CTNNA3: variants seen among roughly 807,000 people sequenced by gnomAD.
CTNNA3 encodes the protein catenin alpha-3.
A neutral mutation model predicts 95.7 loss-of-function variants in CTNNA3; 76 were observed. The observed-to-expected ratio is 0.79, with a 90% confidence interval of 0.66 to 0.96. CTNNA3 has a LOEUF of 0.96. CTNNA3 is among the 40% of genes least tolerant of loss of function. The probability of loss-of-function intolerance (pLI) is 0.00; values close to 1 mark genes in which losing one functional copy is unlikely to be tolerated. For synonymous variants in CTNNA3, 431 were observed against 374.4 expected (o/e 1.15, Z -1.74); for missense variants, 1,191 against 1,089.8 (o/e 1.09, Z -1.31).
At chr10:66,293,940 C>T (rs976087499) in intron 12 of CTNNA3, among the ~76,000 whole-genome samples, 4 of 152,074 alleles carry the variant, frequency 2.6e-5, no homozygotes, top group Non-Finnish European at 4.4e-5. Flanking sequence ...GTTGAAATTA[C>T]AGGCGTTAGC....
In CTNNA3 at chr10:66,379,167, A is replaced by G; in HGVS notation, c.1717T>C (p.Phe573Leu). Residue 573 changes from phenylalanine (F) to leucine (L), a missense_variant, in exon 12 of 18, where the codon TTC becomes CTC. Phe to Leu is a conservative substitution (Grantham distance 22). Coordinates refer to ENST00000433211, the MANE Select transcript of CTNNA3 (RefSeq NM_013266.4). ...YTEGVMRNVNFLTSTVIPEFV... is the reference protein window; with the variant it reads ...YTEGVMRNVNLLTSTVIPEFV... ...ACTGACTTACCAGTACTTGTAAGGA[A>G]GTTAACATTTCTCATTACACCTTCC... The G allele has an allele frequency of 6.2e-7, 1 of 1,612,682 alleles. No individual in the cohort carries two copies. Among genetic ancestry groups the G allele is most frequent in the Non-Finnish European group, 8.5e-7 (1 of 1,178,650 alleles).
At chr10:67,745,428 A>G (rs1175903733) in intron 1 of CTNNA3, among the ~76,000 whole-genome samples, 1 of 145,070 alleles carries the variant, frequency 6.9e-6, no homozygotes, top group South Asian at 2.2e-4. Context: ...CAAACACCAC[A>G]TGTTCTCACT....
At chr10:67,300,554 C>T (rs968150216) in intron 5 of CTNNA3, among the ~76,000 whole-genome samples, 7 of 152,202 alleles carry the variant, frequency 4.6e-5, no homozygotes, top group Non-Finnish European at 1.0e-4. Context: ...TGAATTCCTT[C>T]CTCTAGAGTA....
rs1458100029 is a variant in CTNNA3 at position 66,069,341 on chromosome 10, C to T, written c.2126G>A (p.Cys709Tyr). The change falls in exon 15 of 18, where the codon TGT becomes TAT. Residue 709 changes from cysteine to tyrosine, a missense_variant. By Grantham distance (194) the Cys-to-Tyr change is radical. Coordinates refer to ENST00000433211, the MANE Select transcript of CTNNA3 (RefSeq NM_013266.4). ...GTCTGTCATCTCCATCATGATCATA[C>T]ACATGTTCTTGGCCAGAACAATGAT... ...NDIIVLAKNM[C>Y]MIMMEMTDFT... The T allele has an allele frequency of 7.4e-6, 12 of 1,613,438 alleles. No homozygotes were observed. Among genetic ancestry groups the T allele is most frequent in the Non-Finnish European group, 9.3e-6 (11 of 1,179,672 alleles).
At chr10:67,236,516 T>TGGGGGGGGGGGGGGGGGGGGGGGG (rs1283943786) in intron 5 of CTNNA3, among the ~76,000 whole-genome samples, 1 of 22,528 alleles carries the variant, frequency 4.4e-5, no homozygotes. Context: ...TGTTGTGGGG[T>TGGGGGGGGGGGGGGGGGGGGGGGG]GGGGGGGGTG....
chr10:66,646,202 G>C (rs1845701646), intron 9 of CTNNA3, among the ~76,000 whole-genome samples: 1 of 152,044 alleles, frequency 6.6e-6, no homozygotes, highest in African/African-American at 2.4e-5. Context: ...TGGCATTGGA[G>C]GAAGACTAAT....
intron 9 of CTNNA3, among the ~76,000 whole-genome samples, chr10:66,741,687 G>A (rs2132698806): frequency 6.6e-6 from 1 of 152,322 alleles, no homozygotes; most frequent in Non-Finnish European, 1.5e-5. Context: ...ACTGGCTGAA[G>A]CCATGGCAGA....
chr10:66,550,046 A>C (rs1842167459), intron 10 of CTNNA3, among the ~76,000 whole-genome samples: 1 of 152,124 alleles, frequency 6.6e-6, no homozygotes, highest in Non-Finnish European at 1.5e-5. Context: ...AGAGGTGTTA[A>C]ATTTACTACA....
intron 13 of CTNNA3, among the ~76,000 whole-genome samples, chr10:66,153,093 T>A (rs2084287616): frequency 6.6e-6 from 1 of 152,000 alleles, no homozygotes; most frequent in African/African-American, 2.4e-5. Context: ...TCTTCATTCT[T>A]CTATAAAGCC....
At chr10:67,660,089 T>G (rs1037426234) in intron 1 of CTNNA3, among the ~76,000 whole-genome samples, 1 of 152,212 alleles carries the variant, frequency 6.6e-6, no homozygotes, top group Non-Finnish European at 1.5e-5. Context: ...GCTTCTTCTG[T>G]GTCTCCTAGT....
intron 5 of CTNNA3, among the ~76,000 whole-genome samples, chr10:67,494,602 A>T (rs1173442380): frequency 2.0e-5 from 3 of 152,172 alleles, no homozygotes; most frequent in Non-Finnish European, 2.9e-5. Context: ...ACCTGCAAAA[A>T]CCTGATGCTG....
chr10:66,759,463 G>C (rs971884132), intron 9 of CTNNA3, among the ~76,000 whole-genome samples: 1 of 152,036 alleles, frequency 6.6e-6, no homozygotes, highest in South Asian at 2.1e-4. Context: ...TTTTCTATGG[G>C]GTTAATAGAT....
chr10:66,496,493 C>T lies in CTNNA3; in HGVS notation c.1531+24124G>A, dbSNP rs140798956. Among the ~76,000 whole-genome samples the T allele has an allele frequency of 2.7e-3, 412 of 152,134 alleles. 2 individuals are homozygous for T. Among genetic ancestry groups the T allele is most frequent in the African/African-American group, 9.5e-3 (395 of 41,504 alleles). ...CCATACGAGAATTAAATTAAGTAGA[C>T]ATTACATAAACCAGAAGATTCTTAC... On this transcript the variant is annotated intron_variant, in intron 11 of 17. Coordinates refer to ENST00000433211, the MANE Select transcript of CTNNA3 (RefSeq NM_013266.4).
At chr10:66,146,494 C>T (rs1352729130) in intron 13 of CTNNA3, among the ~76,000 whole-genome samples, 1 of 152,130 alleles carries the variant, frequency 6.6e-6, no homozygotes, top group Non-Finnish European at 1.5e-5. Context: ...AGCATAAAGA[C>T]AATTACAGAC....
intron 7 of CTNNA3, among the ~76,000 whole-genome samples, chr10:66,890,747 T>C (rs777824858): frequency 1.2e-4 from 18 of 152,212 alleles, no homozygotes; most frequent in Admixed American, 5.9e-4. Flanking sequence ...TAGATTATTC[T>C]CTTTTTAAGA....
intron 5 of CTNNA3, among the ~76,000 whole-genome samples, chr10:67,435,004 C>T (rs1369646802): frequency 1.3e-5 from 2 of 151,998 alleles, no homozygotes; most frequent in South Asian, 2.1e-4. Context: ...GATGTTATGC[C>T]TATTGTTCCG....
chr10:67,245,855 CAA>C (rs34908113), intron 5 of CTNNA3, among the ~76,000 whole-genome samples: 42 of 72,134 alleles, frequency 5.8e-4, no homozygotes, highest in African/African-American at 8.4e-4. Flanking sequence ...ACTCTGTCTC[CAA>C]AAAAAAAAAA....
chr10:66,397,346 T>A (rs1031498894), intron 11 of CTNNA3, among the ~76,000 whole-genome samples: 5 of 151,722 alleles, frequency 3.3e-5, no homozygotes, highest in African/African-American at 1.2e-4. Context: ...TTATTAACAT[T>A]TATATATTGC....
intron 11 of CTNNA3, among the ~76,000 whole-genome samples, chr10:66,419,910 T>G (rs1287419112): frequency 2.6e-5 from 4 of 152,074 alleles, no homozygotes; most frequent in Non-Finnish European, 5.9e-5. Flanking sequence ...AATACTCAAG[T>G]GTAAAACTAC....
Sources: allele counts gnomAD v4.1 joint callset (sites outside exome capture counted in the v4.1 genomes callset), GRCh38; gene constraint gnomAD v4.1.1; transcripts MANE v1.5; gene names NCBI Gene and HGNC (gene_info 2026-07-23, HGNC 2026-07-21).